CEACAM18: variants seen among roughly 807,000 people sequenced by gnomAD.
CEACAM18 encodes the protein CEA cell adhesion molecule 18.
CEACAM18 carries 33 observed loss-of-function variants against 34.3 expected under a neutral mutation model. The observed-to-expected ratio is 0.96, with a 90% CI of 0.73 to 1.29. The LOEUF is 1.29. CEACAM18 is among the 50% of genes most tolerant of loss of function. The pLI, the probability that CEACAM18 is intolerant of heterozygous loss-of-function variation, is 0.00. For missense variants in CEACAM18, 474 were observed against 485.0 expected (o/e 0.98, Z 0.21); for synonymous variants, 169 against 180.9 (o/e 0.93, Z 0.53).
rs1179002388 is a variant in CEACAM18, at chr19:51,480,356, T to C, written c.76T>C (p.Cys26Arg). Residue 26 changes from cysteine to arginine, a missense_variant, in exon 2 of 6, where the codon TGC becomes CGC. Physicochemically the swap from Cys to Arg is radical, Grantham distance 180. Transcript: ENST00000396477. ...AGCCAGTCTGCTGGCCTGTGGGATC[T>C]GCCAGGCCTCTGGCCAAATCTTCAT... 3.1e-6 allele frequency: 5 copies of C among 1,610,446 alleles called. No homozygotes were observed. The Admixed American group carries it at 6.7e-5, about 22-fold the overall frequency.
chr19:51,480,764 G>A (rs1278777465), intron 2 of CEACAM18, 84 bp downstream of exon 2: 2 of 1,250,830 alleles, frequency 1.6e-6, no homozygotes, highest in African/African-American at 1.5e-5. Flanking sequence ...TACAGAGCAT[G>A]ACACCGGGAG....
chr19:51,483,854 AG>A (rs1989958870), intron 4 of CEACAM18, among the ~76,000 whole-genome samples: 2 of 152,152 alleles, frequency 1.3e-5, no homozygotes, highest in Non-Finnish European at 2.9e-5. Flanking sequence ...TTGGCTTGGG[AG>A]TGAATTTGTA....
chr19:51,484,092 T>C (rs1416909841), intron 4 of CEACAM18, among the ~76,000 whole-genome samples: 1 of 152,118 alleles, frequency 6.6e-6, no homozygotes, highest in African/African-American at 2.4e-5. Flanking sequence ...AATGAAAGGA[T>C]AAGAATCCCT....
At chr19:51,482,496 T>A (rs1870224008) in intron 3 of CEACAM18, among the ~76,000 whole-genome samples, 1 of 152,180 alleles carries the variant, frequency 6.6e-6, no homozygotes, top group Admixed American at 6.5e-5. Context: ...CTGACCTCCA[T>A]ACAGCTGTTT....
At chr19:51,481,957 G>A (rs564142087) in intron 3 of CEACAM18, among the ~76,000 whole-genome samples, 36 of 152,252 alleles carry the variant, frequency 2.4e-4, no homozygotes, top group African/African-American at 8.7e-4. Context: ...GTGTAAAGAG[G>A]GGACTACTGA....
chr19:51,481,808 C>A, intron 3 of CEACAM18, 143 bp downstream of exon 3: 1 of 852,596 alleles, frequency 1.2e-6, no homozygotes, highest in Non-Finnish European at 1.8e-6. Context: ...TTGGAATCAG[C>A]TCAGGCTCTT....
intron 3 of CEACAM18, among the ~76,000 whole-genome samples, chr19:51,481,880 A>T (rs1989922750): frequency 6.6e-6 from 1 of 152,216 alleles, no homozygotes; most frequent in African/African-American, 2.4e-5. Flanking sequence ...CGAGTTTGAA[A>T]TGAAGACGCC....
chr19:51,483,983 C>A (rs994697052), intron 4 of CEACAM18, among the ~76,000 whole-genome samples: 1 of 152,178 alleles, frequency 6.6e-6, no homozygotes, highest in African/African-American at 2.4e-5. Flanking sequence ...GGCTCTACAG[C>A]CCAAGGTTCT....
At chr19:51,482,089 C>T (rs1435311223) in intron 3 of CEACAM18, among the ~76,000 whole-genome samples, 1 of 152,174 alleles carries the variant, frequency 6.6e-6, no homozygotes, top group African/African-American at 2.4e-5. Context: ...CTGTCACTCT[C>T]TTTCACTGAA....
chr19:51,486,781 G>A (rs1335343785), intron 5 of CEACAM18, among the ~76,000 whole-genome samples: 9 of 147,816 alleles, frequency 6.1e-5, no homozygotes, highest in South Asian at 4.2e-4. Context: ...GCAGTGGCGC[G>A]ATCTCAGCTC....
chr19:51,485,013 T>C, exon 5 of CEACAM18: 1 of 1,536,108 alleles, frequency 6.5e-7, no homozygotes, highest in South Asian at 1.2e-5. Context: ...CCACAGAGAT[T>C]TCTCCATCTC....
At chr19:51,488,678 C>T (rs929508251) in intron 5 of CEACAM18, among the ~76,000 whole-genome samples, 3 of 152,162 alleles carry the variant, frequency 2.0e-5, no homozygotes, top group Admixed American at 2.0e-4. Flanking sequence ...TCCCTGGGGG[C>T]AGGCCCCTCC....
rs547935237 is a variant in CEACAM18 at position 51,480,784 on chromosome 19, C to T, written c.400+104C>T. ...AGCATGACACCGGGAGTGGAAATCA[C>T]GGAGCCGCCCTGGAATCTTGTGTAC... is the stretch of plus-strand genomic sequence containing the variant. On this transcript the variant is annotated intron_variant, in intron 2 of 5. Coordinates refer to ENST00000396477, the Ensembl canonical transcript of CEACAM18. The T allele has an allele frequency of 4.7e-6, 5 of 1,062,980 alleles. No individual in the cohort carries two copies. The South Asian group carries it at 4.8e-5, about 10-fold the overall frequency. 65.8% of individuals were successfully genotyped at this position (1,062,980 alleles called of 1,614,324 possible).
chr19:51,486,813 G>A (rs1383979502), intron 5 of CEACAM18, among the ~76,000 whole-genome samples: 1 of 150,388 alleles, frequency 6.6e-6, no homozygotes, highest in Non-Finnish European at 1.5e-5. Flanking sequence ...CGCCTCCCAG[G>A]TTCATGCCAT....
Position 51,488,896 on chromosome 19 carries a change from C to T in CEACAM18, c.1090-1691C>T, listed in dbSNP as rs138621306. Among the ~76,000 whole-genome samples, 29 of 152,058 alleles carry T rather than the reference C, an allele frequency of 1.9e-4. No individual in the cohort carries two copies. The East Asian group carries it at 2.9e-3, about 15-fold the overall frequency. Reference sequence around the variant, plus strand: ...GAAAAATATTAAAAATTATATTTTACGACTATCTTGATATAAACATGTATA... The same window carrying T: ...GAAAAATATTAAAAATTATATTTTATGACTATCTTGATATAAACATGTATA... On this transcript the variant is annotated intron_variant, in intron 5 of 5. Coordinates refer to ENST00000396477, the Ensembl canonical transcript of CEACAM18.
intron 3 of CEACAM18, 117 bp from the exon 4 acceptor site, chr19:51,482,900 G>T: frequency 8.3e-7 from 1 of 1,208,764 alleles, no homozygotes; most frequent in Admixed American, 1.9e-5. Flanking sequence ...CCTGGGGCAG[G>T]TCTAGGGGTT....
At chr19:51,480,632 G>A (rs780962729) in exon 2 of CEACAM18, 2 of 1,613,866 alleles carry the variant, frequency 1.2e-6, no homozygotes, top group Non-Finnish European at 1.7e-6. Context: ...TGTTCGGGTG[G>A]TTGCAGGCAA....
intron 5 of CEACAM18, among the ~76,000 whole-genome samples, chr19:51,489,519 C>T (rs769351669): frequency 6.6e-6 from 1 of 152,004 alleles, no homozygotes; most frequent in Non-Finnish European, 1.5e-5. Context: ...ACACAGCATA[C>T]GTGTATGCGT....
At chr19:51,483,899 C>T (rs905953557) in intron 4 of CEACAM18, among the ~76,000 whole-genome samples, 7 of 152,156 alleles carry the variant, frequency 4.6e-5, no homozygotes. Flanking sequence ...AACCATGCGT[C>T]CAATCTTCTG....
Sources: gnomAD v4.1 joint callset for allele counts (sites outside exome capture counted in the v4.1 genomes callset) on GRCh38, gnomAD v4.1.1 for gene constraint, MANE v1.5 for transcripts, NCBI Gene and HGNC (gene_info 2026-07-23, HGNC 2026-07-21) for gene names.